ZNF487: variants seen among roughly 807,000 people sequenced by gnomAD.
ZNF487 encodes zinc finger protein 487, also known as KRAB domain only 1.
ZNF487 carries 4 observed loss-of-function variants against 3.0 expected under a neutral mutation model. The ratio of observed to expected loss-of-function variants is 1.35; its 90% confidence interval spans 0.66 to 3.08. The LOEUF (loss-of-function observed/expected upper bound fraction) is 3.08, where lower values mean the gene tolerates loss of function less well. Ranked by LOEUF, ZNF487 falls within the 30% of genes most tolerant of loss-of-function variation. The pLI is 0.01. For missense variants in ZNF487, 146 were observed against 98.7 expected (o/e 1.48, Z -2.03); for synonymous variants, 55 against 34.6 (o/e 1.59, Z -2.06).
chr10:43,462,329 ACCT>A (rs1367099671), intron 1 of ZNF487, among the ~76,000 whole-genome samples: 2 of 151,134 alleles, frequency 1.3e-5, no homozygotes, highest in African/African-American at 4.9e-5. Context: ...TTACAGGCAC[ACCT>A]CGTTTTATTG....
the ZNF487 span, among the ~76,000 whole-genome samples, chr10:43,513,511 C>T: frequency 1.3e-5 from 2 of 152,184 alleles, no homozygotes; most frequent in African/African-American, 2.4e-5. Flanking sequence ...TGGGAATCAC[C>T]ACCCCAGCGT....
chr10:43,513,945 C>T, the ZNF487 span, among the ~76,000 whole-genome samples: 1 of 152,132 alleles, frequency 6.6e-6, no homozygotes, highest in Non-Finnish European at 1.5e-5. Flanking sequence ...TGCACAGTTA[C>T]CCTGGTAAAA....
intron 1 of ZNF487, among the ~76,000 whole-genome samples, chr10:43,460,981 A>C (rs1381519940): frequency 6.6e-6 from 1 of 151,548 alleles, no homozygotes; most frequent in East Asian, 1.9e-4. Flanking sequence ...GGCGTGAGCT[A>C]TCACACCCGG....
intron 1 of ZNF487, 55 bp from the exon 2 acceptor site, chr10:43,475,663 ATGT>A (rs1841069966): frequency 2.6e-6 from 2 of 755,712 alleles, no homozygotes; most frequent in Non-Finnish European, 4.9e-6. Context: ...GATCTCACAC[ATGT>A]TGTATGCTCT....
At chr10:43,459,265 T>C (rs561010826) in intron 1 of ZNF487, among the ~76,000 whole-genome samples, 4 of 152,262 alleles carry the variant, frequency 2.6e-5, no homozygotes, top group African/African-American at 9.6e-5. Flanking sequence ...AGTCTCACTT[T>C]GTCTCCCAGG....
intron 3 of ZNF487, among the ~76,000 whole-genome samples, chr10:43,477,258 G>A (rs1240855346): frequency 6.7e-6 from 1 of 149,716 alleles, no homozygotes; most frequent in Non-Finnish European, 1.5e-5. Context: ...GTGCAGTGGT[G>A]CAATCTTGGC....
At chr10:43,498,940 T>C in the ZNF487 span, among the ~76,000 whole-genome samples, 1 of 128,754 alleles carries the variant, frequency 7.8e-6, no homozygotes. Flanking sequence ...AGACTCCGTC[T>C]CAAAAAAAAA....
At chr10:43,481,032 G>A (rs1564429500) in intron 3 of ZNF487, among the ~76,000 whole-genome samples, 2 of 152,030 alleles carry the variant, frequency 1.3e-5, no homozygotes, top group South Asian at 2.1e-4. Flanking sequence ...AGCACTTTGG[G>A]AGCCGAGGCA....
At chr10:43,510,488 AG>A in the ZNF487 span, among the ~76,000 whole-genome samples, 1 of 152,204 alleles carries the variant, frequency 6.6e-6, no homozygotes, top group Non-Finnish European at 1.5e-5. Context: ...GTGGAGTAGT[AG>A]ACTGATTCCA....
chr10:43,475,756 C>T lies in ZNF487; in HGVS notation c.-58C>T, dbSNP rs771603533. ...CCTTCAGTGATGTGGCTGTGGGCTT[C>T]ACCCAGGAGGAGTGGCAGCATCTGG... On this transcript the variant is annotated 5_prime_UTR_variant, in exon 2 of 4. Coordinates refer to ENST00000437590, the MANE Select transcript of ZNF487 (RefSeq NM_001355444.3). The T allele has an allele frequency of 8.2e-5, 64 of 780,962 alleles. 1 individual carries two copies. In the South Asian group the frequency reaches 8.6e-4, roughly 10 times the overall value. The allele number at this position is 780,962 out of a possible 1,614,324, so 48.4% of individuals were successfully genotyped here.
chr10:43,496,151 T>C, the ZNF487 span: 1 of 518,418 alleles, frequency 1.9e-6, no homozygotes, highest in South Asian at 1.4e-5. Context: ...GGGTAAGGAT[T>C]GCGTTTTATA....
At chr10:43,475,413 G>A (rs977553861) in intron 1 of ZNF487, among the ~76,000 whole-genome samples, 1 of 151,914 alleles carries the variant, frequency 6.6e-6, no homozygotes, top group African/African-American at 2.4e-5. Context: ...TACTTGGGAG[G>A]CTGAGGTGGC....
chr10:43,512,094 G>C, the ZNF487 span, among the ~76,000 whole-genome samples: 4 of 152,226 alleles, frequency 2.6e-5, no homozygotes, highest in Admixed American at 6.5e-5. Context: ...CTTCACCGCT[G>C]TCCTTCAGAG....
chr10:43,441,034 ATTTTTTTTTTTTTTTTTTT>A (rs763451709), intron 1 of ZNF487, among the ~76,000 whole-genome samples: 18 of 44,546 alleles, frequency 4.0e-4, no homozygotes, highest in Admixed American at 9.0e-4. Context: ...ACCTGGTTAA[ATTTTTTTTTTTTTTTTTTT>A]TTTTTTTTTT....
chr10:43,441,034 ATTTTTTTTTTTTTTTT>A lies in ZNF487; in HGVS notation c.-94+3791_-94+3806del, dbSNP rs763451709. 5.3e-3 allele frequency among the ~76,000 whole-genome samples: 236 copies of A among 44,586 alleles called. 3 individuals are homozygous for A. The highest frequency in any genetic ancestry group is 0.021 in the African/African-American group (196 of 9,446). 29.3% of individuals were successfully genotyped at this position (44,586 alleles called of 152,430 possible). A position where few individuals can be genotyped will look rare whatever the true frequency, so the allele number is the denominator to read the frequency against. ...GGTAAATGCTACCACACCTGGTTAA[ATTTTTTTTTTTTTTTT>A]TTTTTTTTTTTTTTTTTTGGTGGAG... On this transcript the variant is annotated intron_variant, in intron 1 of 3. Coordinates refer to ENST00000437590, the MANE Select transcript of ZNF487 (RefSeq NM_001355444.3).
chr10:43,462,961 G>A (rs910581293), intron 1 of ZNF487, among the ~76,000 whole-genome samples: 1 of 152,016 alleles, frequency 6.6e-6, no homozygotes, highest in African/African-American at 2.4e-5. Flanking sequence ...TTGGCCAGGT[G>A]CGGTGGCTCA....
intron 1 of ZNF487, among the ~76,000 whole-genome samples, chr10:43,448,980 T>A (rs1589025184): frequency 9.3e-6 from 1 of 107,446 alleles, no homozygotes. Flanking sequence ...GGTGACAGAG[T>A]AAGAACCTGT....
At chr10:43,519,678 G>A in the ZNF487 span, among the ~76,000 whole-genome samples, 1 of 152,162 alleles carries the variant, frequency 6.6e-6, no homozygotes. Flanking sequence ...ATATTGGCCA[G>A]GCTGGTCTCG....
chr10:43,492,657 G>C, the ZNF487 span, among the ~76,000 whole-genome samples: 11 of 152,092 alleles, frequency 7.2e-5, no homozygotes, highest in Non-Finnish European at 1.5e-4. Context: ...GTTTCACCAT[G>C]TTAGCCAGAA....
Sources: gnomAD v4.1 joint callset for allele counts (sites outside exome capture counted in the v4.1 genomes callset) on GRCh38, gnomAD v4.1.1 for gene constraint, MANE v1.5 for transcripts, NCBI Gene and HGNC (gene_info 2026-07-23, HGNC 2026-07-21) for gene names.